ZNF141: variants seen among roughly 807,000 people sequenced by gnomAD.
ZNF141 encodes zinc finger protein 141.
Under a neutral mutation model 11.3 loss-of-function variants are expected in ZNF141, and 7 were observed. That is an observed-to-expected ratio of 0.62 (90% CI 0.35 to 1.16). The LOEUF is 1.16. Among genes scored for constraint, ZNF141 ranks in the 50% most tolerant of loss-of-function variants. The pLI is 0.02. For missense variants in ZNF141, 535 were observed against 554.0 expected (o/e 0.97, Z 0.34); for synonymous variants, 183 against 190.7 (o/e 0.96, Z 0.33).
intron 3 of ZNF141, among the ~76,000 whole-genome samples, chr4:349,633 T>C (rs1256426862): frequency 6.6e-6 from 1 of 152,190 alleles, no homozygotes; most frequent in Non-Finnish European, 1.5e-5. Context: ...GATCTCCTTT[T>C]GTTGAGTCCC....
chr4:339,537 C>G (rs1196152211), intron 1 of ZNF141, among the ~76,000 whole-genome samples: 1 of 152,248 alleles, frequency 6.6e-6, no homozygotes, highest in Non-Finnish European at 1.5e-5. Flanking sequence ...TTAGACCTGC[C>G]TGTTGTAGGA....
intron 3 of ZNF141, among the ~76,000 whole-genome samples, chr4:354,819 A>G (rs1721771235): frequency 1.3e-5 from 2 of 151,838 alleles, no homozygotes; most frequent in African/African-American, 4.8e-5. Flanking sequence ...ATGTTGTTTA[A>G]TATCCATTTA....
At chr4:338,940 T>A (rs940183313) in intron 1 of ZNF141, among the ~76,000 whole-genome samples, 4 of 152,230 alleles carry the variant, frequency 2.6e-5, no homozygotes, top group African/African-American at 9.6e-5. Flanking sequence ...GCACATGCAC[T>A]GTCCTGCTGC....
Position 373,502 on chromosome 4 carries a change from T to A in ZNF141, c.1065T>A (p.Asn355Lys). ...CTTTTAGACAGTCCTCAAAACTGAATGAACATAAGAAAGTTCATACTGGAG... is the reference window on the plus strand; with the variant it reads ...CTTTTAGACAGTCCTCAAAACTGAAAGAACATAAGAAAGTTCATACTGGAG... Reference protein sequence around the residue: ...GKAFRQSSKLNEHKKVHTGER... With the variant: ...GKAFRQSSKLKEHKKVHTGER... The change falls in exon 4 of 4, where the codon AAT becomes AAA. Residue 355 changes from asparagine to lysine, a missense_variant. By Grantham distance (94) the Asn-to-Lys change is moderately conservative. Transcript: ENST00000240499. 1.9e-6 allele frequency: 3 copies of A among 1,613,922 alleles called. No individual in the cohort carries two copies. Among genetic ancestry groups the A allele is most frequent in the Non-Finnish European group, 2.5e-6 (3 of 1,179,918 alleles).
chr4:367,751 A>C (rs932730992), intron 3 of ZNF141, among the ~76,000 whole-genome samples: 1 of 152,052 alleles, frequency 6.6e-6, no homozygotes, highest in Non-Finnish European at 1.5e-5. Context: ...TCCTGACCTC[A>C]TGATCTGTCC....
rs781809937 is a variant in ZNF141 at position 379,808 on chromosome 4, A to C, written c.*5946A>C. Among the ~76,000 whole-genome samples the C allele has an allele frequency of 2.8e-4, 43 of 152,362 alleles. No homozygotes were observed. Among genetic ancestry groups the C allele is most frequent in the Non-Finnish European group, 5.0e-4 (34 of 68,034 alleles). Reference sequence around the variant, plus strand: ...AATATATTTGTTAATTGACAGATAAAATATCCTGTAGAATATGGTGTTTTG... The same window carrying C: ...AATATATTTGTTAATTGACAGATAACATATCCTGTAGAATATGGTGTTTTG... On this transcript the variant is annotated 3_prime_UTR_variant, in exon 4 of 4. Transcript: ENST00000240499.
intron 3 of ZNF141, among the ~76,000 whole-genome samples, chr4:352,125 C>T (rs4371565): frequency 0.21 from 32,017 of 152,058 alleles, 4,286 homozygotes; most frequent in Non-Finnish European, 0.29. Context: ...TGGTGGCTCA[C>T]GCCTGTAATC....
intron 1 of ZNF141, among the ~76,000 whole-genome samples, chr4:342,337 C>G (rs1327187410): frequency 6.6e-6 from 1 of 152,178 alleles, no homozygotes; most frequent in Admixed American, 6.5e-5. Flanking sequence ...CTTCTGTAAC[C>G]TTATAGGGTC....
chr4:369,213 A>C (rs1711905527), intron 3 of ZNF141, among the ~76,000 whole-genome samples: 1 of 152,118 alleles, frequency 6.6e-6, no homozygotes, highest in South Asian at 2.1e-4. Context: ...ACCCACATTT[A>C]TCATGGGTTC....
At position 383,144 on chromosome 4, in the gene ZNF141, A is replaced by G; in HGVS notation, c.*9282A>G. 1 of 701,674 alleles carries G rather than the reference A, an allele frequency of 1.4e-6. No individual in the cohort carries two copies. The highest frequency in any genetic ancestry group is 2.6e-6 in the Non-Finnish European group (1 of 384,572). 43.5% of individuals were successfully genotyped at this position (701,674 alleles called of 1,614,324 possible). A position where few individuals can be genotyped will look rare whatever the true frequency, so the allele number is the denominator to read the frequency against. ...AGCCCATTTTAGCTTTCTGGAGAATAGCATCTGAGAAAAGCCAAAGTGCCT... is the reference window on the plus strand; with the variant it reads ...AGCCCATTTTAGCTTTCTGGAGAATGGCATCTGAGAAAAGCCAAAGTGCCT... On this transcript the variant is annotated 3_prime_UTR_variant, in exon 4 of 4. Transcript: ENST00000240499.
chr4:350,100 A>G, intron 3 of ZNF141: 1 of 523,178 alleles, frequency 1.9e-6, no homozygotes, highest in Non-Finnish European at 4.0e-6. Flanking sequence ...GGGAAGGACC[A>G]CGTCTGGACT....
intron 3 of ZNF141, among the ~76,000 whole-genome samples, chr4:359,720 T>G (rs1722020493): frequency 6.6e-6 from 1 of 152,180 alleles, no homozygotes; most frequent in Non-Finnish European, 1.5e-5. Flanking sequence ...GAAAAACTCC[T>G]CCTGGATTTT....
At chr4:367,642 G>C (rs561091110) in intron 3 of ZNF141, among the ~76,000 whole-genome samples, 1 of 151,492 alleles carries the variant, frequency 6.6e-6, no homozygotes, top group African/African-American at 2.4e-5. Flanking sequence ...TCAGCCTCCT[G>C]AGTAGCTGGG....
At position 337,863 on chromosome 4, in the gene ZNF141, C is replaced by A; in HGVS notation, c.-121C>A. 1.5e-6 allele frequency: 2 copies of A among 1,360,438 alleles called. No individual in the cohort carries two copies. Among genetic ancestry groups the A allele is most frequent in the Admixed American group, 1.7e-5 (1 of 57,856 alleles). The allele number at this position is 1,360,438 out of a possible 1,614,324, so 84.3% of individuals were successfully genotyped here. On this transcript the variant is annotated 5_prime_UTR_variant, in exon 1 of 4. In the 5' UTR this introduces an upstream ATG that the reference lacks. Coordinates refer to ENST00000240499, the MANE Select transcript of ZNF141 (RefSeq NM_003441.4). ...ACCGCGGGTTAGGGGCTTCATCTCT[C>A]TGCGTTCTCAGTTGTGGGAGGCCTT...
At position 376,080 on chromosome 4, in the gene ZNF141, A is replaced by C. The variant is rs1712351680; in HGVS notation, c.*2218A>C. 6.6e-6 allele frequency among the ~76,000 whole-genome samples: 1 copy of C among 152,086 alleles called. No homozygotes were observed. Among genetic ancestry groups the C allele is most frequent in the African/African-American group, 2.4e-5 (1 of 41,454 alleles). ...TTATTTTAAGATTATGTGGGAACAT[A>C]ATTTTTTAACTAAACAAAATTTTTA... is the stretch of plus-strand genomic sequence containing the variant. On this transcript the variant is annotated 3_prime_UTR_variant, in exon 4 of 4. Coordinates refer to ENST00000240499, the MANE Select transcript of ZNF141 (RefSeq NM_003441.4).
In ZNF141 at chr4:381,400, CTTTTTTT is replaced by C. The variant is rs34721227; in HGVS notation, c.*7558_*7564del. On this transcript the variant is annotated 3_prime_UTR_variant, in exon 4 of 4. Transcript: ENST00000240499. Reference sequence around the variant, plus strand: ...CTATTTAATACAGACTTCAAATGTGCTTTTTTTTTTTTTTTTTTTTTTTTTTGAGACG... The same window carrying C: ...CTATTTAATACAGACTTCAAATGTGCTTTTTTTTTTTTTTTTTTTGAGACG... Among the ~76,000 whole-genome samples, 27 of 76,944 alleles carry C rather than the reference CTTTTTTT, an allele frequency of 3.5e-4. No individual in the cohort carries two copies. The highest frequency in any genetic ancestry group is 9.7e-4 in the African/African-American group (16 of 16,446). 50.5% of individuals were successfully genotyped at this position (76,944 alleles called of 152,430 possible). A position where few individuals can be genotyped will look rare whatever the true frequency, so the allele number is the denominator to read the frequency against.
rs961828792 is a variant in ZNF141 at position 380,697 on chromosome 4, A to G, written c.*6835A>G. The stretch of plus-strand genomic sequence containing the variant: ...TTAATTTTCACAGAAAATTAATAGC[A>G]TAGGTATTATTATCCTCATTTTACA... On this transcript the variant is annotated 3_prime_UTR_variant, in exon 4 of 4. Transcript: ENST00000240499. Among the ~76,000 whole-genome samples, 5 of 152,096 alleles carry G rather than the reference A, an allele frequency of 3.3e-5. No individual in the cohort carries two copies. Among genetic ancestry groups the G allele is most frequent in the Admixed American group, 2.6e-4 (4 of 15,268 alleles).
chr4:368,970 T>G (rs538871302), intron 3 of ZNF141, among the ~76,000 whole-genome samples: 1 of 152,194 alleles, frequency 6.6e-6, no homozygotes, highest in Non-Finnish European at 1.5e-5. Context: ...TTTAGACATC[T>G]TCTTTTTAGG....
At chr4:371,539 A>C (rs568048061) in intron 3 of ZNF141, among the ~76,000 whole-genome samples, 1 of 110,164 alleles carries the variant, frequency 9.1e-6, no homozygotes, top group African/African-American at 3.7e-5. Flanking sequence ...CTTTTGTGAT[A>C]ATTTGTGTGT....
Sources: gnomAD v4.1 joint callset for allele counts (sites outside exome capture counted in the v4.1 genomes callset) on GRCh38, gnomAD v4.1.1 for gene constraint, MANE v1.5 for transcripts, NCBI Gene and HGNC (gene_info 2026-07-23, HGNC 2026-07-21) for gene names.